Variants in SWT1 observed in about 807,000 individuals in gnomAD.
SWT1 encodes transcriptional protein SWT1.
Under a neutral mutation model 107.3 loss-of-function variants are expected in SWT1, and 33 were observed. That is an observed-to-expected ratio of 0.31 (90% CI 0.23 to 0.41). SWT1 has a LOEUF of 0.41. Ranked by LOEUF, SWT1 falls within the 10% of genes least tolerant of loss-of-function variation. SWT1 has a pLI of 1.00. For missense variants in SWT1, 898 were observed against 1,028.9 expected (o/e 0.87, Z 1.74); for synonymous variants, 345 against 348.3 (o/e 0.99, Z 0.11).
intron 16 of SWT1, among the ~76,000 whole-genome samples, chr1:185,237,636 G>A (rs750957967): frequency 2.6e-5 from 4 of 152,022 alleles, no homozygotes; most frequent in Non-Finnish European, 4.4e-5. Flanking sequence ...ACAATGGAAC[G>A]TGTATACCTA....
At chr1:185,286,415 G>A (rs559353147) in intron 18 of SWT1, among the ~76,000 whole-genome samples, 67 of 152,028 alleles carry the variant, frequency 4.4e-4, no homozygotes, top group South Asian at 2.3e-3. Flanking sequence ...TAGTAGAGAC[G>A]GGGTTTCACC....
chr1:185,226,866 T>A, intron 15 of SWT1: 1 of 1,531,874 alleles, frequency 6.5e-7, no homozygotes, highest in Non-Finnish European at 8.8e-7. Flanking sequence ...AGCTACCCGA[T>A]CTTTCTTCTG....
chr1:185,180,855 A>C (rs918652878), intron 6 of SWT1, among the ~76,000 whole-genome samples: 2 of 152,234 alleles, frequency 1.3e-5, no homozygotes, highest in African/African-American at 2.4e-5. Flanking sequence ...ATGAGTGTTT[A>C]TCTTTTTACC....
intron 16 of SWT1, among the ~76,000 whole-genome samples, chr1:185,256,839 T>C (rs1662574820): frequency 6.6e-6 from 1 of 152,240 alleles, no homozygotes. Flanking sequence ...TGCGTTCCTT[T>C]GGAAGAGGAG....
intron 5 of SWT1, among the ~76,000 whole-genome samples, chr1:185,177,488 G>C (rs1460275174): frequency 6.6e-6 from 1 of 152,154 alleles, no homozygotes; most frequent in Admixed American, 6.5e-5. Flanking sequence ...TTCTCAGATA[G>C]CAGCATTATC....
At chr1:185,243,964 A>G (rs577255612) in intron 16 of SWT1, among the ~76,000 whole-genome samples, 2 of 152,288 alleles carry the variant, frequency 1.3e-5, no homozygotes, top group East Asian at 1.9e-4. Context: ...TTTGTATGCT[A>G]TTGGAGTGTA....
intron 15 of SWT1, among the ~76,000 whole-genome samples, chr1:185,228,520 T>C (rs1420556138): frequency 1.3e-5 from 2 of 151,994 alleles, no homozygotes; most frequent in African/African-American, 4.8e-5. Flanking sequence ...AGACACTGTC[T>C]CAAAAAAAGA....
At chr1:185,243,083 A>G (rs990905192) in intron 16 of SWT1, among the ~76,000 whole-genome samples, 5 of 152,148 alleles carry the variant, frequency 3.3e-5, no homozygotes, top group African/African-American at 9.7e-5. Flanking sequence ...AGTATACCCT[A>G]TACTCTAGGA....
intron 9 of SWT1, among the ~76,000 whole-genome samples, chr1:185,186,618 TA>T (rs1460117098): frequency 2.0e-5 from 3 of 152,018 alleles, no homozygotes; most frequent in Non-Finnish European, 4.4e-5. Context: ...AACATAAGAT[TA>T]AAAAAATATG....
At chr1:185,188,632 C>T (rs956375987) in intron 9 of SWT1, among the ~76,000 whole-genome samples, 3 of 152,052 alleles carry the variant, frequency 2.0e-5, no homozygotes, top group Non-Finnish European at 4.4e-5. Context: ...CAAATTAAAC[C>T]GTATATAAGT....
intron 16 of SWT1, among the ~76,000 whole-genome samples, chr1:185,269,015 G>A: frequency 6.6e-6 from 1 of 152,018 alleles, no homozygotes; most frequent in South Asian, 2.1e-4. Flanking sequence ...ACTACGCCCG[G>A]CTAATTTTTT....
chr1:185,171,377 A>T, intron 4 of SWT1: 1 of 230,146 alleles, frequency 4.3e-6, no homozygotes, highest in Non-Finnish European at 9.1e-6. Flanking sequence ...GTTAATTTGG[A>T]AGTAACGTAA....
At chr1:185,194,190 A>G (rs77471301) in intron 10 of SWT1, among the ~76,000 whole-genome samples, 1,738 of 152,256 alleles carry the variant, frequency 0.011, 25 homozygotes, top group African/African-American at 0.04. Flanking sequence ...TATTTAAAGT[A>G]AGTTTCTTGT....
At chr1:185,257,000 G>C (rs962958838) in intron 16 of SWT1, among the ~76,000 whole-genome samples, 1 of 152,102 alleles carries the variant, frequency 6.6e-6, no homozygotes, top group Non-Finnish European at 1.5e-5. Flanking sequence ...CCTTCTAACA[G>C]ACAGGACCCT....
chr1:185,158,992 G>T (rs545554276), intron 1 of SWT1, among the ~76,000 whole-genome samples: 2 of 152,262 alleles, frequency 1.3e-5, no homozygotes, highest in Non-Finnish European at 2.9e-5. Context: ...CTGTTAGTTG[G>T]TTCTGGTTGT....
chr1:185,170,817 G>A (rs1654986970), intron 4 of SWT1, among the ~76,000 whole-genome samples: 1 of 152,104 alleles, frequency 6.6e-6, no homozygotes, highest in Non-Finnish European at 1.5e-5. Context: ...AAAAGGATTA[G>A]TATACATAAT....
chr1:185,277,114 GC>G (rs750876067), intron 18 of SWT1, among the ~76,000 whole-genome samples: 47 of 152,146 alleles, frequency 3.1e-4, no homozygotes, highest in Middle Eastern at 3.4e-3. Flanking sequence ...TTAATGACTG[GC>G]TTAATAGAAG....
chr1:185,256,299 C>T (rs1479618898), intron 16 of SWT1, among the ~76,000 whole-genome samples: 1 of 150,522 alleles, frequency 6.6e-6, no homozygotes, highest in Admixed American at 6.6e-5. Flanking sequence ...GTGGCATTCT[C>T]TGTATTTCCT....
intron 16 of SWT1, among the ~76,000 whole-genome samples, chr1:185,267,544 C>A (rs1490503171): frequency 1.3e-5 from 2 of 152,106 alleles, no homozygotes; most frequent in East Asian, 3.9e-4. Context: ...AAAACTCATT[C>A]CAGAATTTAA....
Sources: allele counts gnomAD v4.1 joint callset (sites outside exome capture counted in the v4.1 genomes callset), GRCh38; gene constraint gnomAD v4.1.1; transcripts MANE v1.5; gene names NCBI Gene and HGNC (gene_info 2026-07-23, HGNC 2026-07-21).